CEP295: variants seen among roughly 807,000 people sequenced by gnomAD.
CEP295 encodes the protein centrosomal protein 295.
Under a neutral mutation model 291.6 loss-of-function variants are expected in CEP295, and 190 were observed. The observed-to-expected ratio is 0.65, with a 90% CI of 0.58 to 0.73. CEP295 has a LOEUF of 0.73. Ranked by LOEUF, CEP295 falls within the 30% of genes least tolerant of loss-of-function variation. The probability of loss-of-function intolerance (pLI) is 0.00; values close to 1 mark genes in which losing one functional copy is unlikely to be tolerated. For synonymous variants in CEP295, 993 were observed against 1,038.8 expected (o/e 0.96, Z 0.85); for missense variants, 2,863 against 2,949.4 (o/e 0.97, Z 0.68).
chr11:93,702,750 A>G (rs1565192449), intron 16 of CEP295, 26 bp from the exon 17 acceptor site: 2 of 1,550,102 alleles, frequency 1.3e-6, no homozygotes. Context: ...TTTGTATTGT[A>G]TCCAACTTTG....
chr11:93,691,849 T>C, intron 11 of CEP295, 74 bp downstream of exon 11: 1 of 1,282,926 alleles, frequency 7.8e-7, no homozygotes, highest in Non-Finnish European at 1.1e-6. Context: ...TTACATGTGA[T>C]ATATTAAGAA....
chr11:93,723,737 T>C (rs183109139), intron 21 of CEP295: 40 of 158,226 alleles, frequency 2.5e-4, no homozygotes, highest in Non-Finnish European at 4.7e-4. Context: ...TAACACTGAA[T>C]ACAGTGAGCC....
rs377627058 is a variant in CEP295 at position 93,699,936 on chromosome 11, A to T, written c.5024A>T (p.Gln1675Leu). 1.3e-6 allele frequency: 2 copies of T among 1,551,816 alleles called. No homozygotes were observed. The highest frequency in any genetic ancestry group is 4.9e-5 in the East Asian group (2 of 40,912). The change falls in exon 15 of 30, where the codon CAG (glutamine) becomes CTG (leucine). Residue 1675 changes from glutamine (Q) to leucine (L), a missense_variant. Transcript: ENST00000325212. ...PKSTCELYSS[Q>L]NEHAAPPSNP... ...AGCACTTGTGAATTGTATTCATCCC[A>T]GAATGAACATGCAGCCCCCCCAAGT...
Position 93,723,221 on chromosome 11 carries a change from A to G in CEP295, c.6128A>G (p.His2043Arg), listed in dbSNP as rs1182884790. The G allele has an allele frequency of 6.4e-7, 1 of 1,551,294 alleles. No homozygotes were observed. The highest frequency in any genetic ancestry group is 8.7e-7 in the Non-Finnish European group (1 of 1,146,628). Residue 2043 changes from histidine (H) to arginine (R), a missense_variant, in exon 21 of 30, where the codon CAC (histidine) becomes CGC (arginine). This residue lies in a region of CEP295 where 2,295 missense variants were observed against 2,335.7 expected (regional missense o/e 0.98). Coordinates refer to ENST00000325212, the MANE Select transcript of CEP295 (RefSeq NM_033395.2). ...GATGAAACTACATGTGGTCACACAC[A>G]CTTTCAGCAAATGATAGACAAGTAC... The part of the protein sequence containing the change: ...AVDETTCGHT[H>R]FQQMIDKYIN...
In CEP295 at chr11:93,706,905, A is replaced by G. The variant is rs757644630; in HGVS notation, c.5749+8A>G. On this transcript the variant is annotated splice_region_variant and intron_variant, in intron 18 of 29. Coordinates refer to ENST00000325212, the MANE Select transcript of CEP295 (RefSeq NM_033395.2). ...ATGACTATGATGAAGCAGGTGAGAA[A>G]TAAATGGAAAGTGGAATTGTATGCA... 3 of 1,527,184 alleles carry G rather than the reference A, an allele frequency of 2.0e-6. No individual in the cohort carries two copies. In the African/African-American group the frequency reaches 4.2e-5, roughly 21 times the overall value. 94.6% of individuals were successfully genotyped at this position (1,527,184 alleles called of 1,614,324 possible).
chr11:93,700,174 TA>T lies in CEP295; in HGVS notation c.5265del (p.Asp1756ThrfsTer4). ...KHEETLKDFFKDSQISKPTVE... is the reference protein window; with the variant it reads ...KHEETLKDFFXDSQISKPTVE... ...ATGAAGAGACTTTGAAGGATTTCTT[TA>T]AAGACAGTCAGGTATGTTTTAAACC... On this transcript the variant is annotated frameshift_variant, in exon 15 of 30. Coordinates refer to ENST00000325212, the MANE Select transcript of CEP295 (RefSeq NM_033395.2). LOFTEE classifies it high-confidence loss of function. The T allele has an allele frequency of 6.5e-7, 1 of 1,547,220 alleles. No individual in the cohort carries two copies. Among genetic ancestry groups the T allele is most frequent in the Non-Finnish European group, 8.7e-7 (1 of 1,145,592 alleles).
At position 93,691,239 on chromosome 11, in the gene CEP295, C is replaced by T. The variant is rs546591726; in HGVS notation, c.1337-444C>T. Among the ~76,000 whole-genome samples, 47 of 152,302 alleles carry T rather than the reference C, an allele frequency of 3.1e-4. 1 individual carries two copies. In the South Asian group the frequency reaches 9.5e-3, roughly 31 times the overall value. On this transcript the variant is annotated intron_variant, in intron 10 of 29. Coordinates refer to ENST00000325212, the MANE Select transcript of CEP295 (RefSeq NM_033395.2). ...GAGTGAATGAACGGATAGCTCCATG[C>T]AGACTATCTGGCTACCCAAATATGA...
chr11:93,666,809 G>A lies in CEP295; in HGVS notation c.102G>A (p.Leu34=), dbSNP rs1379767016. 6.6e-7 allele frequency: 1 copy of A among 1,506,706 alleles called. No individual in the cohort carries two copies. Among genetic ancestry groups the A allele is most frequent in the African/African-American group, 1.4e-5 (1 of 71,912 alleles). 93.3% of individuals were successfully genotyped at this position (1,506,706 alleles called of 1,614,324 possible). A position where few individuals can be genotyped will look rare whatever the true frequency, so the allele number is the denominator to read the frequency against. ...EDYERRRKLR[L]LQVREQERDI... ...ATGAAAGAAGGCGAAAACTAAGATT[G>A]CTACAGGTATGACTTATTTGTAATA... Residue 34 remains leucine, a synonymous_variant, in exon 2 of 30, where the codon TTG becomes TTA. Coordinates refer to ENST00000325212, the MANE Select transcript of CEP295 (RefSeq NM_033395.2).
intron 12 of CEP295, among the ~76,000 whole-genome samples, chr11:93,694,042 T>G (rs1951730339): frequency 6.6e-6 from 1 of 152,178 alleles, no homozygotes; most frequent in African/African-American, 2.4e-5. Context: ...GGGGCTCCTA[T>G]GAGTAAGGGA....
At chr11:93,679,342 GT>G in intron 6 of CEP295, 69 bp from the exon 7 acceptor site, 1 of 1,308,552 alleles carries the variant, frequency 7.6e-7, no homozygotes, top group South Asian at 1.5e-5. Context: ...TTTTAAGGTT[GT>G]TTTGTTTTTT....
chr11:93,718,172 A>C lies in CEP295; in HGVS notation c.5750-3140A>C, dbSNP rs142251086. The stretch of plus-strand genomic sequence containing the variant: ...GCAGTCCTCTCACCTTGGCCTCCCA[A>C]AGTGTTGGGATTATAGGCGTGAGCC... On this transcript the variant is annotated intron_variant, in intron 18 of 29. Coordinates refer to ENST00000325212, the MANE Select transcript of CEP295 (RefSeq NM_033395.2). 8.0e-3 allele frequency among the ~76,000 whole-genome samples: 1,211 copies of C among 152,250 alleles called. 22 individuals carry two copies. The highest frequency in any genetic ancestry group is 0.053 in the East Asian group (274 of 5,178).
Position 93,698,310 on chromosome 11 carries a change from A to T in CEP295, c.3398A>T (p.Asn1133Ile). ...GAGCTTTATTTATCTGAGAAGGAGAATGTAGGTCCCTCCTGTCATTTGATA... is the reference window on the plus strand; with the variant it reads ...GAGCTTTATTTATCTGAGAAGGAGATTGTAGGTCCCTCCTGTCATTTGATA... ...IQELYLSEKE[N>I]VGPSCHLIIP... is the part of the protein sequence containing the mutation. Residue 1133 changes from asparagine to isoleucine, a missense_variant, in exon 15 of 30, where the codon AAT (asparagine) becomes ATT (isoleucine). By Grantham distance (149) the Asn-to-Ile change is moderately radical. Transcript: ENST00000325212. 1 of 1,551,976 alleles carries T rather than the reference A, an allele frequency of 6.4e-7. No homozygotes were observed. Among genetic ancestry groups the T allele is most frequent in the Non-Finnish European group, 8.7e-7 (1 of 1,147,032 alleles).
intron 9 of CEP295, 41 bp from the exon 10 acceptor site, chr11:93,687,603 A>G (rs1951307926): frequency 1.8e-6 from 2 of 1,122,684 alleles, no homozygotes; most frequent in Admixed American, 2.4e-5. Flanking sequence ...TGGTAATACA[A>G]TAGATGCTAA....
At chr11:93,704,488 G>A (rs1223424466) in intron 17 of CEP295, among the ~76,000 whole-genome samples, 1 of 152,128 alleles carries the variant, frequency 6.6e-6, no homozygotes, top group Admixed American at 6.5e-5. Flanking sequence ...GCTGAGGTAG[G>A]AGGCTCACTT....
chr11:93,663,562 T>C (rs1300335644), intron 1 of CEP295, among the ~76,000 whole-genome samples: 1 of 152,176 alleles, frequency 6.6e-6, no homozygotes, highest in Non-Finnish European at 1.5e-5. Flanking sequence ...GTAAAAAATA[T>C]TGTGTCAGTG....
chr11:93,712,300 A>G (rs907262281), intron 18 of CEP295, among the ~76,000 whole-genome samples: 22 of 151,712 alleles, frequency 1.5e-4, no homozygotes, highest in African/African-American at 4.6e-4. Flanking sequence ...AGGCTGGAGT[A>G]TGGAGTACAG....
intron 5 of CEP295, among the ~76,000 whole-genome samples, chr11:93,673,533 G>A (rs1354059630): frequency 2.0e-5 from 3 of 151,518 alleles, no homozygotes; most frequent in Admixed American, 1.3e-4. Context: ...TTATTCTGTC[G>A]CCCAGGCTGG....
chr11:93,708,373 G>A (rs940953008), intron 18 of CEP295, among the ~76,000 whole-genome samples: 21 of 151,808 alleles, frequency 1.4e-4, no homozygotes, highest in East Asian at 5.8e-4. Context: ...TCTTAATTTT[G>A]AGTTCCCACA....
At chr11:93,692,871 G>T (rs978586820) in intron 12 of CEP295, among the ~76,000 whole-genome samples, 4 of 147,758 alleles carry the variant, frequency 2.7e-5, no homozygotes, top group Admixed American at 6.9e-5. Flanking sequence ...TACCCAGGAT[G>T]CTAAGGTGGG....
Sources: gnomAD v4.1 joint callset for allele counts (sites outside exome capture counted in the v4.1 genomes callset) on GRCh38, gnomAD v4.1.1 for gene constraint, gnomAD v4.1.1 regional missense constraint, MANE v1.5 for transcripts, NCBI Gene and HGNC (gene_info 2026-07-23, HGNC 2026-07-21) for gene names.